NLRC3: variants seen among roughly 807,000 people sequenced by gnomAD.
NLRC3 encodes the protein NLR family CARD domain containing 3.
NLRC3 carries 87 observed loss-of-function variants against 91.6 expected under a neutral mutation model. That is an observed-to-expected ratio of 0.95 (90% confidence interval 0.80 to 1.14). NLRC3 has a LOEUF of 1.14. Ranked by LOEUF, NLRC3 falls within the 50% of genes most tolerant of loss-of-function variation. The pLI, the probability that NLRC3 is intolerant of heterozygous loss-of-function variation, is 0.00. For synonymous variants in NLRC3, 694 were observed against 625.3 expected (o/e 1.11, Z -1.64); for missense variants, 1,577 against 1,418.6 (o/e 1.11, Z -1.79).
chr16:3,544,466 C>A, intron 15 of NLRC3, 137 bp from the exon 16 acceptor site: 2 of 649,172 alleles, frequency 3.1e-6, no homozygotes, highest in Admixed American at 4.5e-5. Flanking sequence ...GGGATAACTG[C>A]CCTTCCTCCA....
At chr16:3,560,313 C>T (rs2039547449) in intron 6 of NLRC3, among the ~76,000 whole-genome samples, 1 of 152,110 alleles carries the variant, frequency 6.6e-6, no homozygotes, top group African/African-American at 2.4e-5. Context: ...GTCCCAGCTA[C>T]TCAGGAGGCT....
At chr16:3,544,352 T>A (rs2038574901) in intron 15 of NLRC3, 23 bp from the exon 16 acceptor site, 1 of 1,568,278 alleles carries the variant, frequency 6.4e-7, no homozygotes, top group African/African-American at 1.4e-5. Flanking sequence ...TATGACCCCT[T>A]TGGGTGCACG....
At chr16:3,550,950 T>C (rs769363320) in intron 10 of NLRC3, among the ~76,000 whole-genome samples, 2 of 151,948 alleles carry the variant, frequency 1.3e-5, no homozygotes, top group African/African-American at 2.4e-5. Flanking sequence ...TCCACTCACT[T>C]ATTGATTTAT....
At chr16:3,572,454 ATT>A in intron 1 of NLRC3, among the ~76,000 whole-genome samples, 1 of 152,000 alleles carries the variant, frequency 6.6e-6, no homozygotes, top group South Asian at 2.1e-4. Context: ...CATCCAGCTA[ATT>A]TTTGTATTTT....
intron 11 of NLRC3, 21 bp downstream of exon 11, chr16:3,550,393 C>T (rs772279341): frequency 1.2e-5 from 19 of 1,559,280 alleles, no homozygotes; most frequent in Non-Finnish European, 1.1e-5. Context: ...GGGGAATCGT[C>T]ACCCTGGCAG....
At chr16:3,562,939 TG>T in intron 5 of NLRC3, 69 bp downstream of exon 5, 2 of 1,346,540 alleles carry the variant, frequency 1.5e-6, no homozygotes, top group East Asian at 2.5e-5. Context: ...AGCTTGGTGG[TG>T]GGGAGGGGAC....
chr16:3,571,734 G>GATCAAGAA, intron 1 of NLRC3, among the ~76,000 whole-genome samples: 1 of 151,848 alleles, frequency 6.6e-6, no homozygotes, highest in African/African-American at 2.4e-5. Flanking sequence ...AAGGTCAAGA[G>GATCAAGAA]ATCAAGACCA....
At position 3,577,377 on chromosome 16, in the gene NLRC3, G is replaced by A. The variant is rs1214216838; in HGVS notation, c.-397C>T. Reference sequence around the variant, plus strand: ...AGCCCCGACCTTCTGCAGCCCCACCGAGCCCACCGGCTGTCCCTGTGGCTC... The same window carrying A: ...AGCCCCGACCTTCTGCAGCCCCACCAAGCCCACCGGCTGTCCCTGTGGCTC... On this transcript the variant is annotated 5_prime_UTR_variant, in exon 1 of 20. Transcript: ENST00000359128. The A allele has an allele frequency of 3.5e-6, 2 of 575,440 alleles. No homozygotes were observed. The allele number at this position is 575,440 out of a possible 1,614,324, so 35.6% of individuals were successfully genotyped here.
At position 3,542,653 on chromosome 16, in the gene NLRC3, G is replaced by A. The variant is rs777105510; in HGVS notation, c.3023+39C>T. ...CAGGGAGGACCCAGCAGAGAACTCT[G>A]CTGCTCCAGGATGCAGGTAGGTCCC... On this transcript the variant is annotated intron_variant, in intron 18 of 19. Transcript: ENST00000359128. The A allele has an allele frequency of 5.4e-6, 7 of 1,297,240 alleles. No individual in the cohort carries two copies. In the South Asian group the frequency reaches 7.4e-5, roughly 14 times the overall value. The allele number at this position is 1,297,240 out of a possible 1,614,324, so 80.4% of individuals were successfully genotyped here. A position where few individuals can be genotyped will look rare whatever the true frequency, so the allele number is the denominator to read the frequency against.
At position 3,561,693 on chromosome 16, in the gene NLRC3, C is replaced by T. The variant is rs564355604; in HGVS notation, c.2015+9G>A. ...TAGGCACCCTGGAGGTCCCCTGGGT[C>T]TGTGTTACCTGATCTTCTGAATGCG... is the stretch of plus-strand genomic sequence containing the variant. On this transcript the variant is annotated intron_variant, in intron 6 of 19. Coordinates refer to ENST00000359128, the MANE Select transcript of NLRC3 (RefSeq NM_178844.4). 2 of 1,601,204 alleles carry T rather than the reference C, an allele frequency of 1.2e-6. No homozygotes were observed. The highest frequency in any genetic ancestry group is 2.2e-5 in the East Asian group (1 of 44,810).
intron 19 of NLRC3, 107 bp downstream of exon 19, chr16:3,542,084 G>C (rs2038430329): frequency 3.4e-6 from 3 of 877,966 alleles, no homozygotes; most frequent in Non-Finnish European, 5.6e-6. Flanking sequence ...TTTCCCTATA[G>C]GCCTGCTGAA....
rs755549574 is a variant in NLRC3, at chr16:3,556,990, G to A, written c.2104C>T (p.Arg702Cys). The change falls in exon 8 of 20, where the codon CGC (arginine) becomes TGC (cysteine). Residue 702 changes from arginine to cysteine, a missense_variant. Physicochemically the swap from Arg to Cys is radical, Grantham distance 180. Coordinates refer to ENST00000359128, the MANE Select transcript of NLRC3 (RefSeq NM_178844.4). The stretch of plus-strand genomic sequence containing the variant: ...CCTTGTGGTCCAATGGAGTTACCGC[G>A]GAGGCTGAAGGAAGAGAGAAAGAGA... ...VNRSLTSLDL[R>C]GNSIGPQGAK... is the part of the protein sequence containing the mutation. 16 of 1,611,488 alleles carry A rather than the reference G, an allele frequency of 9.9e-6. No individual in the cohort carries two copies. Among genetic ancestry groups the A allele is most frequent in the Admixed American group, 5.0e-5 (3 of 59,980 alleles).
Position 3,539,267 on chromosome 16 carries a change from A to T in NLRC3, c.*2558T>A, listed in dbSNP as rs1393001617. ...ACCCAGGGGACTCTCAGGTGCCAGA[A>T]TTGGGGACTCCTTTAATTGGAAGGG... On this transcript the variant is annotated 3_prime_UTR_variant, in exon 20 of 20. Coordinates refer to ENST00000359128, the MANE Select transcript of NLRC3 (RefSeq NM_178844.4). The T allele has an allele frequency of 6.6e-6, 1 of 152,186 alleles. No individual in the cohort carries two copies. 9.4% of individuals were successfully genotyped at this position (152,186 alleles called of 1,614,324 possible). A position where few individuals can be genotyped will look rare whatever the true frequency, so the allele number is the denominator to read the frequency against.
At position 3,549,185 on chromosome 16, in the gene NLRC3, T is replaced by A; in HGVS notation, c.2560A>T (p.Ile854Phe). The change falls in exon 13 of 20, where the codon ATC becomes TTC. Residue 854 changes from isoleucine to phenylalanine, a missense_variant. Ile to Phe is a conservative substitution (Grantham distance 21). Coordinates refer to ENST00000359128, the MANE Select transcript of NLRC3 (RefSeq NM_178844.4). Reference sequence around the variant, plus strand: ...CTGTTGGCGCAGAGGGCATGAGCGATGGCCTGGGCTCCCTCGGGACTGATG... The same window carrying A: ...CTGTTGGCGCAGAGGGCATGAGCGAAGGCCTGGGCTCCCTCGGGACTGATG... Reference protein sequence around the residue: ...NSISPEGAQAIAHALCANSTL... With the variant: ...NSISPEGAQAFAHALCANSTL... 6.3e-7 allele frequency: 1 copy of A among 1,589,712 alleles called. No individual in the cohort carries two copies. The highest frequency in any genetic ancestry group is 2.3e-5 in the East Asian group (1 of 43,926).
At chr16:3,562,966 C>T (rs2039675561) in intron 5 of NLRC3, 43 bp downstream of exon 5, 2 of 1,519,678 alleles carry the variant, frequency 1.3e-6, no homozygotes, top group Non-Finnish European at 1.8e-6. Context: ...CTGCTCTCTC[C>T]TCTGCCCCTT....
rs1366240837 is a variant in NLRC3, at chr16:3,541,869, C to G, written c.3154G>C (p.Glu1052Gln). ...GTGGGAGCATTTGTCTTGATGGCCT[C>G]TGAGATCATCCTGGCCCCGGAGTCC... is the stretch of plus-strand genomic sequence containing the variant. ...IGDSGARMIS[E>Q]AIKTNAPTCT... is the part of the protein sequence containing the mutation. The change falls in exon 20 of 20, where the codon GAG becomes CAG. Residue 1052 changes from glutamate to glutamine, a missense_variant. Physicochemically the swap from Glu to Gln is conservative, Grantham distance 29. Coordinates refer to ENST00000359128, the MANE Select transcript of NLRC3 (RefSeq NM_178844.4). 1.2e-6 allele frequency: 2 copies of G among 1,612,878 alleles called. No individual in the cohort carries two copies. The highest frequency in any genetic ancestry group is 1.7e-6 in the Non-Finnish European group (2 of 1,179,322).
Position 3,562,851 on chromosome 16 carries a change from G to A in NLRC3, c.1928+158C>T, listed in dbSNP as rs750417252. On this transcript the variant is annotated intron_variant, in intron 5 of 19. Coordinates refer to ENST00000359128, the MANE Select transcript of NLRC3 (RefSeq NM_178844.4). Reference sequence around the variant, plus strand: ...TGAGACTTCTGGCCTCCAGAACTGCGAGAAAACACACTTTAGTTGTTTTAA... The same window carrying A: ...TGAGACTTCTGGCCTCCAGAACTGCAAGAAAACACACTTTAGTTGTTTTAA... 152 of 753,528 alleles carry A rather than the reference G, an allele frequency of 2.0e-4. 3 individuals carry two copies. In the South Asian group the frequency reaches 2.1e-3, roughly 10 times the overall value. The allele number at this position is 753,528 out of a possible 1,614,324, so 46.7% of individuals were successfully genotyped here.
At position 3,542,301 on chromosome 16, in the gene NLRC3, C is replaced by T. The variant is rs868792728; in HGVS notation, c.3024-27G>A. 14 of 1,413,444 alleles carry T rather than the reference C, an allele frequency of 9.9e-6. No individual in the cohort carries two copies. In the African/African-American group the frequency reaches 1.4e-4, roughly 14 times the overall value. 87.6% of individuals were successfully genotyped at this position (1,413,444 alleles called of 1,614,324 possible). ...TAAGTGGAAAAGAGATGGAGACACA[C>T]GGTGAGCCATCAGGGCAGAAGGAAA... On this transcript the variant is annotated intron_variant, in intron 18 of 19. Coordinates refer to ENST00000359128, the MANE Select transcript of NLRC3 (RefSeq NM_178844.4).
In NLRC3 at chr16:3,563,409, G is replaced by A. The variant is rs1238354354; in HGVS notation, c.1528C>T (p.Leu510=). 3 of 1,576,842 alleles carry A rather than the reference G, an allele frequency of 1.9e-6. No individual in the cohort carries two copies. The African/African-American group carries it at 4.0e-5, about 21-fold the overall frequency. The change falls in exon 5 of 20, where the codon CTG becomes TTG. Residue 510 remains leucine, a synonymous_variant. Transcript: ENST00000359128. ...QRAMQAEDGR[L]DVFLRFLSGL... is the part of the protein sequence containing the mutation. Reference sequence around the variant, plus strand: ...GAGAGGAAGCGCAGGAACACGTCCAGCCTCCCGTCCTCTGCCTGCATGGCC... The same window carrying A: ...GAGAGGAAGCGCAGGAACACGTCCAACCTCCCGTCCTCTGCCTGCATGGCC...
Sources: allele counts gnomAD v4.1 joint callset (sites outside exome capture counted in the v4.1 genomes callset), GRCh38; gene constraint gnomAD v4.1.1; transcripts MANE v1.5; gene names NCBI Gene and HGNC (gene_info 2026-07-23, HGNC 2026-07-21).